The following RBFOX1 variants were observed in gnomAD, a reference collection of about 807,000 sequenced individuals.
RBFOX1 encodes the protein RNA binding fox-1 homolog 1.
Under a neutral mutation model 57.7 loss-of-function variants are expected in RBFOX1, and 8 were observed. The observed-to-expected ratio is 0.14, with a 90% confidence interval of 0.08 to 0.25. The LOEUF (loss-of-function observed/expected upper bound fraction) is 0.25, where lower values mean the gene tolerates loss of function less well. Ranked by LOEUF, RBFOX1 falls within the 10% of genes least tolerant of loss-of-function variation. The pLI is 1.00. For synonymous variants in RBFOX1, 326 were observed against 222.4 expected (o/e 1.47, Z -4.15); for missense variants, 611 against 548.5 (o/e 1.11, Z -1.14).
intron 2 of RBFOX1, among the ~76,000 whole-genome samples, chr16:6,382,417 G>A (rs2091899639): frequency 6.6e-6 from 1 of 152,170 alleles, no homozygotes; most frequent in Non-Finnish European, 1.5e-5. Flanking sequence ...TGGTACTGAG[G>A]ACTAGTAAAA....
At chr16:5,971,821 A>G (rs764647664) in intron 4 of RBFOX1, among the ~76,000 whole-genome samples, 10 of 152,198 alleles carry the variant, frequency 6.6e-5, no homozygotes, top group Non-Finnish European at 1.2e-4. Flanking sequence ...ATTATTCTGC[A>G]TGCTTCTATG....
chr16:6,759,468 G>C (rs982296080), intron 3 of RBFOX1, among the ~76,000 whole-genome samples: 1 of 132,668 alleles, frequency 7.5e-6, no homozygotes, highest in Non-Finnish European at 1.6e-5. Context: ...TGATATGTCA[G>C]TTGTCTGTGT....
chr16:6,209,686 G>C (rs1052750379), intron 1 of RBFOX1, among the ~76,000 whole-genome samples: 1 of 152,206 alleles, frequency 6.6e-6, no homozygotes, highest in Non-Finnish European at 1.5e-5. Context: ...AGCACAGACT[G>C]TCTGATCTTC....
intron 4 of RBFOX1, among the ~76,000 whole-genome samples, chr16:7,477,349 A>G (rs1292413521): frequency 6.6e-6 from 1 of 152,146 alleles, no homozygotes; most frequent in Non-Finnish European, 1.5e-5. Flanking sequence ...ACAGCCCTAA[A>G]TCATTGTGAG....
chr16:5,963,659 A>C lies in RBFOX1; in HGVS notation c.351+96324A>C, dbSNP rs1479220799. On this transcript the variant is annotated intron_variant, in intron 4 of 19. Transcript: ENST00000641259. ...GGTGACAAGAACCTGCAATGGGGAA[A>C]GGATGGTCTCTTCGAGAAATGTTAA... Among the ~76,000 whole-genome samples the C allele has an allele frequency of 2.0e-5, 3 of 152,240 alleles. 1 individual carries two copies. Among genetic ancestry groups the C allele is most frequent in the Non-Finnish European group, 4.4e-5 (3 of 68,044 alleles).
chr16:5,600,228 G>A (rs1399471081), downstream of RBFOX1: 1 of 151,910 alleles, frequency 6.6e-6, no homozygotes, highest in Non-Finnish European at 1.5e-5. Context: ...ATGAACCTGG[G>A]AGGCAGAGCT....
At chr16:5,318,604 C>T (rs975534621) in intron 1 of RBFOX1, among the ~76,000 whole-genome samples, 1 of 151,986 alleles carries the variant, frequency 6.6e-6, no homozygotes, top group Non-Finnish European at 1.5e-5. Flanking sequence ...AACAAAAAAA[C>T]AAAACAAAAC....
At chr16:6,497,823 T>C (rs1485043963) in intron 2 of RBFOX1, among the ~76,000 whole-genome samples, 1 of 152,036 alleles carries the variant, frequency 6.6e-6, no homozygotes, top group African/African-American at 2.4e-5. Flanking sequence ...TCCCAAAGTG[T>C]AGGTATTACA....
chr16:7,196,799 C>G (rs910913116), intron 4 of RBFOX1, among the ~76,000 whole-genome samples: 3 of 152,018 alleles, frequency 2.0e-5, no homozygotes, highest in Admixed American at 6.6e-5. Context: ...GGAATTTTTT[C>G]ACACAGATGA....
rs74006950 is a variant in RBFOX1, at chr16:6,217,462, C to T, written c.-126-99533C>T. On this transcript the variant is annotated intron_variant, in intron 1 of 15. Transcript: ENST00000550418. ...CAGTATTATCGGGACCTTCCTGGGA[C>T]TGAGCACACGTGTTGAGGGGAGTAC... 8.2e-3 allele frequency among the ~76,000 whole-genome samples: 1,246 copies of T among 152,194 alleles called. 21 individuals are homozygous for T. Among genetic ancestry groups the T allele is most frequent in the African/African-American group, 0.028 (1,156 of 41,524 alleles).
At chr16:5,271,664 C>G (rs1465498415) in intron 1 of RBFOX1, among the ~76,000 whole-genome samples, 1 of 152,178 alleles carries the variant, frequency 6.6e-6, no homozygotes, top group Non-Finnish European at 1.5e-5. Context: ...CAGTGAGGAA[C>G]TGAGCTTTCA....
intron 2 of RBFOX1, among the ~76,000 whole-genome samples, chr16:6,611,030 G>A (rs2098041928): frequency 6.6e-6 from 1 of 152,170 alleles, no homozygotes; most frequent in African/African-American, 2.4e-5. Flanking sequence ...AGAAGAAAGT[G>A]TATGTTATTG....
chr16:5,711,064 G>A (rs2051470581), intron 3 of RBFOX1, among the ~76,000 whole-genome samples: 1 of 152,202 alleles, frequency 6.6e-6, no homozygotes, highest in Admixed American at 6.5e-5. Context: ...GATCTGGAAG[G>A]GGAGAGAGTG....
chr16:7,024,792 A>C (rs910489007), intron 3 of RBFOX1, among the ~76,000 whole-genome samples: 3 of 152,182 alleles, frequency 2.0e-5, no homozygotes, highest in African/African-American at 7.2e-5. Flanking sequence ...ATTCCCTGCA[A>C]TTCCCTCTGG....
intron 3 of RBFOX1, among the ~76,000 whole-genome samples, chr16:6,678,014 A>T (rs2058034235): frequency 6.6e-6 from 1 of 152,244 alleles, no homozygotes; most frequent in African/African-American, 2.4e-5. Flanking sequence ...TAGTAGCAAC[A>T]TTAAAAAAGC....
At chr16:5,388,156 T>A (rs1194096516) in intron 1 of RBFOX1, among the ~76,000 whole-genome samples, 1 of 152,160 alleles carries the variant, frequency 6.6e-6, no homozygotes, top group Non-Finnish European at 1.5e-5. Flanking sequence ...ACATTTGTGT[T>A]TTAAGCCACT....
chr16:6,410,168 C>CTG (rs3066618), intron 2 of RBFOX1, among the ~76,000 whole-genome samples: 16,916 of 146,856 alleles, frequency 0.12, 1,289 homozygotes, highest in African/African-American at 0.22. Flanking sequence ...CATCATAAGG[C>CTG]TGTGTGTGTG....
At chr16:6,643,721 A>G (rs2098510622) in intron 2 of RBFOX1, among the ~76,000 whole-genome samples, 2 of 152,064 alleles carry the variant, frequency 1.3e-5, no homozygotes, top group African/African-American at 2.4e-5. Flanking sequence ...TAGGAAGCCA[A>G]TTCCCTACAC....
At chr16:5,464,302 T>G (rs1214896901) in intron 1 of RBFOX1, among the ~76,000 whole-genome samples, 1 of 152,036 alleles carries the variant, frequency 6.6e-6, no homozygotes, top group Non-Finnish European at 1.5e-5. Flanking sequence ...GACATTGGGG[T>G]CCAGATGCCA....
Sources: gnomAD v4.1 joint callset for allele counts (sites outside exome capture counted in the v4.1 genomes callset) on GRCh38, gnomAD v4.1.1 for gene constraint, MANE v1.5 for transcripts, NCBI Gene and HGNC (gene_info 2026-07-23, HGNC 2026-07-21) for gene names.